KDSR: variants seen among roughly 807,000 people sequenced by gnomAD.
KDSR encodes the protein 3-ketodihydrosphingosine reductase.
KDSR carries 23 observed loss-of-function variants against 41.3 expected under a neutral mutation model. That is an observed-to-expected ratio of 0.56 (90% confidence interval 0.40 to 0.79). The LOEUF (loss-of-function observed/expected upper bound fraction) is 0.79, where lower values mean the gene tolerates loss of function less well. KDSR is among the 30% of genes least tolerant of loss of function. KDSR has a pLI of 0.00. For missense variants in KDSR, 351 were observed against 416.8 expected, an observed-to-expected ratio of 0.84 and a Z score of 1.37; for synonymous variants, 138 against 151.7, an observed-to-expected ratio of 0.91 and a Z score of 0.66.
intron 6 of KDSR, among the ~76,000 whole-genome samples, chr18:63,349,528 T>G (rs1914603763): frequency 1.3e-5 from 2 of 152,266 alleles, no homozygotes; most frequent in African/African-American, 2.4e-5. Context: ...ATTATCACGA[T>G]ATATTATTAA....
chr18:63,349,836 C>T (rs1274116594), intron 6 of KDSR, among the ~76,000 whole-genome samples: 6 of 152,260 alleles, frequency 3.9e-5, no homozygotes, highest in Non-Finnish European at 7.3e-5. Flanking sequence ...TGTTCATTTA[C>T]ACATTGTCTA....
intron 1 of KDSR, chr18:63,366,572 G>A: frequency 6.4e-6 from 1 of 157,224 alleles, no homozygotes; most frequent in Non-Finnish European, 1.4e-5. Context: ...CCCGCTGTCT[G>A]CCCCCGCCCG....
chr18:63,334,443 C>T (rs571545819), intron 9 of KDSR, among the ~76,000 whole-genome samples: 2 of 152,046 alleles, frequency 1.3e-5, no homozygotes, highest in East Asian at 1.9e-4. Flanking sequence ...CTCCACCTCC[C>T]GGGTTCAAGT....
intron 3 of KDSR, among the ~76,000 whole-genome samples, chr18:63,356,444 A>G (rs898044714): frequency 6.6e-6 from 1 of 152,184 alleles, no homozygotes; most frequent in Non-Finnish European, 1.5e-5. Context: ...ATTTTAAAAC[A>G]AGCCTTTTCA....
rs1220471853 is a variant in KDSR at position 63,330,403 on chromosome 18, C to T, written c.*1379G>A. On this transcript the variant is annotated 3_prime_UTR_variant, in exon 10 of 10. Transcript: ENST00000645214. ...AGTGTGAACAATGAGCAGGATGCAA[C>T]GGGGAATGTTGGCTAAAACTCATCA... 3 of 228,650 alleles carry T rather than the reference C, an allele frequency of 1.3e-5. No individual in the cohort carries two copies. The highest frequency in any genetic ancestry group is 5.7e-5 in the Admixed American group (1 of 17,592). The allele number at this position is 228,650 out of a possible 1,614,324, so 14.2% of individuals were successfully genotyped here. A position where few individuals can be genotyped will look rare whatever the true frequency, so the allele number is the denominator to read the frequency against.
intron 3 of KDSR, among the ~76,000 whole-genome samples, chr18:63,357,243 C>T (rs1914821495): frequency 1.3e-5 from 2 of 152,134 alleles, no homozygotes; most frequent in Admixed American, 1.3e-4. Context: ...CTTATGGGAG[C>T]TTAACCACTT....
intron 4 of KDSR, 99 bp downstream of exon 4, chr18:63,355,399 T>C (rs946629955): frequency 6.2e-7 from 1 of 1,606,774 alleles, no homozygotes; most frequent in African/African-American, 1.3e-5. Flanking sequence ...CTATTAAACC[T>C]ATAGAGAAGT....
chr18:63,344,713 CT>C (rs1282147312), intron 6 of KDSR: 5 of 454,176 alleles, frequency 1.1e-5, no homozygotes, highest in African/African-American at 9.9e-5. Context: ...CAGAAAACAG[CT>C]GGCCCTAAAG....
intron 7 of KDSR, 132 bp downstream of exon 7, chr18:63,344,278 C>T (rs1914432344): frequency 1.7e-6 from 1 of 574,646 alleles, no homozygotes; most frequent in Non-Finnish European, 3.1e-6. Flanking sequence ...TCAAGGTCAT[C>T]AGAAACCAGC....
intron 8 of KDSR, among the ~76,000 whole-genome samples, chr18:63,337,092 CTT>C (rs1568275915): frequency 0.086 from 2,445 of 28,382 alleles, 179 homozygotes; most frequent in Non-Finnish European, 0.15. Flanking sequence ...ATATATGTGA[CTT>C]TATATATATA....
intron 5 of KDSR, among the ~76,000 whole-genome samples, chr18:63,353,281 G>A (rs919767151): frequency 3.9e-5 from 6 of 152,210 alleles, no homozygotes; most frequent in South Asian, 2.1e-4. Context: ...TAAAATCTCC[G>A]TAAAGAGATG....
At chr18:63,361,617 C>T (rs943695337) in intron 2 of KDSR, among the ~76,000 whole-genome samples, 1 of 152,002 alleles carries the variant, frequency 6.6e-6, no homozygotes, top group African/African-American at 2.4e-5. Context: ...GAGTTCCAGA[C>T]CAGCCTGACC....
chr18:63,352,995 C>T (rs1282495015), intron 5 of KDSR, among the ~76,000 whole-genome samples: 2 of 142,200 alleles, frequency 1.4e-5, no homozygotes, highest in Non-Finnish European at 3.1e-5. Context: ...GGTGAAAACC[C>T]GACTCTACTA....
Position 63,331,885 on chromosome 18 carries a change from A to T in KDSR, c.896T>A (p.Leu299His). Residue 299 changes from leucine to histidine, a missense_variant, in exon 10 of 10, where the codon CTT becomes CAT. Transcript: ENST00000645214. ...EGLQQVVTMG[L>H]FRTIALFYLG... ...GTAAAACAAAGCAATAGTGCGGAAA[A>T]GGCCCATGGTGACCACCTGCAAGAT... is the stretch of plus-strand genomic sequence containing the variant. 6 of 1,613,718 alleles carry T rather than the reference A, an allele frequency of 3.7e-6. No individual in the cohort carries two copies. The highest frequency in any genetic ancestry group is 5.1e-6 in the Non-Finnish European group (6 of 1,179,786).
chr18:63,358,306 G>A (rs1914862487), intron 3 of KDSR, among the ~76,000 whole-genome samples: 1 of 152,154 alleles, frequency 6.6e-6, no homozygotes, highest in Non-Finnish European at 1.5e-5. Context: ...AGAAGAGGCT[G>A]GGAGGAAATG....
intron 3 of KDSR, among the ~76,000 whole-genome samples, chr18:63,356,078 C>T (rs1914785545): frequency 6.6e-6 from 1 of 152,162 alleles, no homozygotes; most frequent in Non-Finnish European, 1.5e-5. Flanking sequence ...TCCCAACATC[C>T]TCAGATAGAA....
At chr18:63,339,396 T>G (rs1381831697) in intron 7 of KDSR, among the ~76,000 whole-genome samples, 3 of 152,194 alleles carry the variant, frequency 2.0e-5, no homozygotes, top group Non-Finnish European at 4.4e-5. Context: ...ATTCAACAAC[T>G]GCAGATGCTT....
intron 7 of KDSR, among the ~76,000 whole-genome samples, chr18:63,340,457 A>G (rs375583340): frequency 6.6e-6 from 1 of 152,368 alleles, no homozygotes; most frequent in East Asian, 1.9e-4. Flanking sequence ...TCACATTTAC[A>G]AAGTATTCGT....
At chr18:63,361,674 G>C (rs1208704542) in intron 2 of KDSR, among the ~76,000 whole-genome samples, 1 of 152,004 alleles carries the variant, frequency 6.6e-6, no homozygotes, top group African/African-American at 2.4e-5. Context: ...AATTAGCCAG[G>C]CGTGGTGGTG....
Sources: allele counts gnomAD v4.1 joint callset (sites outside exome capture counted in the v4.1 genomes callset), GRCh38; gene constraint gnomAD v4.1.1; transcripts MANE v1.5; gene names NCBI Gene and HGNC (gene_info 2026-07-23, HGNC 2026-07-21).